The following SOCS5 variants were observed in gnomAD, a reference collection of about 807,000 sequenced individuals.
SOCS5 encodes the protein CIS-6.
SOCS5 carries 32 observed loss-of-function variants against 42.8 expected under a neutral mutation model. The observed-to-expected ratio is 0.75, with a 90% CI of 0.56 to 1.01. SOCS5 has a LOEUF of 1.01. Ranked by LOEUF, SOCS5 falls within the 50% of genes least tolerant of loss-of-function variation. SOCS5 has a pLI of 0.00. For missense variants in SOCS5, 627 were observed against 653.0 expected (o/e 0.96, Z 0.43); for synonymous variants, 283 against 229.6 (o/e 1.23, Z -2.10).
intron 1 of SOCS5, among the ~76,000 whole-genome samples, chr2:46,737,083 G>A (rs1673269545): frequency 6.6e-6 from 1 of 152,062 alleles, no homozygotes; most frequent in Non-Finnish European, 1.5e-5. Flanking sequence ...TATTTTTCTA[G>A]CAAGTAATTT....
At chr2:46,704,910 A>G (rs1672427066) in intron 1 of SOCS5, among the ~76,000 whole-genome samples, 2 of 152,098 alleles carry the variant, frequency 1.3e-5, no homozygotes. Flanking sequence ...GAGGGTTGGC[A>G]CTTTCAACTC....
rs560863006 is a variant in SOCS5 at position 46,741,398 on chromosome 2, C to T, written c.-12-17121C>T. Among the ~76,000 whole-genome samples, 15 of 152,206 alleles carry T rather than the reference C, an allele frequency of 9.9e-5. No homozygotes were observed. In the South Asian group the frequency reaches 2.3e-3, roughly 23 times the overall value. On this transcript the variant is annotated intron_variant, in intron 1 of 1. Transcript: ENST00000394861. ...GGATTACAAGCGTGCGCCACCATGC[C>T]GGGCTAATTTTTGTATTTTTACAAA...
chr2:46,744,404 G>A (rs1673453188), intron 1 of SOCS5, among the ~76,000 whole-genome samples: 1 of 152,188 alleles, frequency 6.6e-6, no homozygotes, highest in Non-Finnish European at 1.5e-5. Context: ...TTTGTGTAGG[G>A]AGCCAAAATA....
intron 1 of SOCS5, among the ~76,000 whole-genome samples, chr2:46,704,268 C>CAATG (rs1672410795): frequency 6.6e-6 from 1 of 152,128 alleles, no homozygotes; most frequent in Non-Finnish European, 1.5e-5. Context: ...TAAACAGGAA[C>CAATG]AATGTCCAGT....
chr2:46,724,840 C>G (rs925712506), intron 1 of SOCS5, among the ~76,000 whole-genome samples: 1 of 151,852 alleles, frequency 6.6e-6, no homozygotes, highest in African/African-American at 2.4e-5. Context: ...ATTTTGTTTG[C>G]TCTTCCTGGG....
rs952936805 is a variant in SOCS5, at chr2:46,758,434, G to A, written c.-12-85G>A. On this transcript the variant is annotated intron_variant, in intron 1 of 1. Transcript: ENST00000394861. ...GGCCAGTATCACTGAAATTCTGGAC[G>A]GGAAGGGGTGTGGGCACTGCCTTAG... 3.2e-5 allele frequency: 27 copies of A among 854,794 alleles called. No homozygotes were observed. The African/African-American group carries it at 4.3e-4, about 14-fold the overall frequency. The allele number at this position is 854,794 out of a possible 1,614,324, so 53.0% of individuals were successfully genotyped here.
chr2:46,749,231 C>A (rs1673572836), intron 1 of SOCS5, among the ~76,000 whole-genome samples: 1 of 152,192 alleles, frequency 6.6e-6, no homozygotes, highest in South Asian at 2.1e-4. Flanking sequence ...AATAATCTCT[C>A]CCTAGTCATA....
At chr2:46,716,367 ATTTTTTTTTTTTTTT>A (rs35187667) in intron 1 of SOCS5, among the ~76,000 whole-genome samples, 1 of 17,042 alleles carries the variant, frequency 5.9e-5, no homozygotes, top group African/African-American at 1.8e-4. Flanking sequence ...GAGTGTCTTC[ATTTTTTTTTTTTTTT>A]TTTTTTTTTT....
chr2:46,735,524 G>A (rs1401732974), intron 1 of SOCS5, among the ~76,000 whole-genome samples: 1 of 152,018 alleles, frequency 6.6e-6, no homozygotes, highest in East Asian at 1.9e-4. Flanking sequence ...TTTGCACTTT[G>A]TGTTCCCAGA....
intron 1 of SOCS5, among the ~76,000 whole-genome samples, chr2:46,711,324 A>G (rs1672618386): frequency 6.6e-6 from 1 of 152,154 alleles, no homozygotes; most frequent in South Asian, 2.1e-4. Context: ...TGGTTTAGTC[A>G]TCTTACTGGG....
chr2:46,746,600 G>A (rs561232993), intron 1 of SOCS5, among the ~76,000 whole-genome samples: 58 of 151,064 alleles, frequency 3.8e-4, no homozygotes, highest in Non-Finnish European at 7.1e-4. Context: ...GCAGTGAGCC[G>A]AGATTGCACC....
chr2:46,727,212 G>A (rs1057129444), intron 1 of SOCS5, among the ~76,000 whole-genome samples: 2 of 134,892 alleles, frequency 1.5e-5, no homozygotes, highest in East Asian at 2.3e-4. Flanking sequence ...GCAGTGGCAC[G>A]ATCTCAGCTC....
At chr2:46,739,652 G>A (rs767462461) in intron 1 of SOCS5, among the ~76,000 whole-genome samples, 2 of 151,958 alleles carry the variant, frequency 1.3e-5, no homozygotes, top group Admixed American at 6.6e-5. Flanking sequence ...CCACCCCATC[G>A]CATCCCCCAG....
intron 1 of SOCS5, among the ~76,000 whole-genome samples, chr2:46,742,257 C>T (rs938973043): frequency 6.6e-6 from 1 of 151,884 alleles, no homozygotes; most frequent in African/African-American, 2.4e-5. Flanking sequence ...GTCTTCTTTT[C>T]TTTTTTAAAT....
chr2:46,759,956 C>G lies in SOCS5; in HGVS notation c.1426C>G (p.Leu476Val). Residue 476 changes from leucine (L) to valine (V), a missense_variant, in exon 2 of 2, where the codon CTA (leucine) becomes GTA (valine). Transcript: ENST00000394861. ...TTTTGAACCATTGCTTACTATATCA[C>G]TAAATAGGACTTTCCCTTTTAGCCT... ...MFFEPLLTIS[L>V]NRTFPFSLQY... is the part of the protein sequence containing the mutation. 1 of 1,614,142 alleles carries G rather than the reference C, an allele frequency of 6.2e-7. No homozygotes were observed. Among genetic ancestry groups the G allele is most frequent in the Non-Finnish European group, 8.5e-7 (1 of 1,180,000 alleles).
chr2:46,724,375 C>T (rs565004073), intron 1 of SOCS5, among the ~76,000 whole-genome samples: 1 of 151,832 alleles, frequency 6.6e-6, no homozygotes, highest in Non-Finnish European at 1.5e-5. Flanking sequence ...CAGGCTTTCA[C>T]CATTAAGCAT....
In SOCS5 at chr2:46,759,133, C is replaced by A. The variant is rs200239822; in HGVS notation, c.603C>A (p.Leu201=). The part of the protein sequence containing the change: ...MRTYSKQSKP[L]FSNKRKIHLS... ...CTTACAGCAAGCAGTCAAAGCCTCT[C>A]TTTTCCAATAAAAGAAAAATCCATC... is the stretch of plus-strand genomic sequence containing the variant. Residue 201 remains leucine, a synonymous_variant, in exon 2 of 2, where the codon CTC becomes CTA. Coordinates refer to ENST00000394861, the MANE Select transcript of SOCS5 (RefSeq NM_144949.3). The A allele has an allele frequency of 6.2e-7, 1 of 1,614,008 alleles. No homozygotes were observed. The highest frequency in any genetic ancestry group is 1.7e-4 in the Middle Eastern group (1 of 6,056).
At chr2:46,710,424 T>A (rs1672592299) in intron 1 of SOCS5, among the ~76,000 whole-genome samples, 1 of 152,184 alleles carries the variant, frequency 6.6e-6, no homozygotes, top group Admixed American at 6.5e-5. Context: ...GGATTACAGG[T>A]GTGAGCCGCA....
intron 1 of SOCS5, among the ~76,000 whole-genome samples, chr2:46,733,520 C>T (rs986997675): frequency 9.4e-5 from 14 of 148,380 alleles, no homozygotes; most frequent in Non-Finnish European, 1.6e-4. Flanking sequence ...CTGCAGTGAT[C>T]CTGGATTGCA....
Sources: gnomAD v4.1 joint callset for allele counts (sites outside exome capture counted in the v4.1 genomes callset) on GRCh38, gnomAD v4.1.1 for gene constraint, MANE v1.5 for transcripts, NCBI Gene and HGNC (gene_info 2026-07-23, HGNC 2026-07-21) for gene names.